Variants in SCFD2 observed in about 807,000 individuals in gnomAD.
The protein encoded by SCFD2 is sec1 family domain containing 2.
SCFD2 carries 54 observed loss-of-function variants against 58.9 expected under a neutral mutation model. The ratio of observed to expected loss-of-function variants is 0.92; its 90% CI spans 0.74 to 1.15. The LOEUF (loss-of-function observed/expected upper bound fraction) is 1.15. Among genes scored for constraint, SCFD2 ranks in the 50% most tolerant of loss-of-function variants. The pLI, the probability that SCFD2 is intolerant of heterozygous loss-of-function variation, is 0.00. For missense variants in SCFD2, 805 were observed against 836.6 expected, an observed-to-expected ratio of 0.96 and a Z score of 0.47; for synonymous variants, 321 against 335.9, an observed-to-expected ratio of 0.96 and a Z score of 0.49.
At position 53,365,466 on chromosome 4, in the gene SCFD2, A is replaced by C; in HGVS notation, c.476T>G (p.Leu159Trp). Reference sequence around the variant, plus strand: ...AAAGTGGGGAGCAACAGGGGCAAGCAATAACGGGACATGGAACACCTCGGC... The same window carrying C: ...AAAGTGGGGAGCAACAGGGGCAAGCCATAACGGGACATGGAACACCTCGGC... ...YTAEVFHVPL[L>W]LAPVAPHFAL... Residue 159 changes from leucine to tryptophan, a missense_variant, in exon 1 of 9, where the codon TTG becomes TGG. Leu to Trp is a moderately conservative substitution (Grantham distance 61). This residue lies in a region of SCFD2 where 633 missense variants were observed against 646.8 expected (regional missense o/e 0.98). Coordinates refer to ENST00000401642, the MANE Select transcript of SCFD2 (RefSeq NM_152540.4). This position sits in a 1 kb window ranked among gnomAD's most constrained non-coding sequence, Gnocchi z 4.3. 6.2e-7 allele frequency: 1 copy of C among 1,614,194 alleles called. No homozygotes were observed. Among genetic ancestry groups the C allele is most frequent in the Non-Finnish European group, 8.5e-7 (1 of 1,180,032 alleles).
chr4:53,072,805 T>TAG (rs758872018), intron 5 of SCFD2, among the ~76,000 whole-genome samples: 29,520 of 152,020 alleles, frequency 0.19, 3,458 homozygotes, highest in Non-Finnish European at 0.27. Flanking sequence ...CTTCTCTTTC[T>TAG]TTCACCTAGT....
intron 4 of SCFD2, among the ~76,000 whole-genome samples, chr4:53,198,920 C>T (rs1728143024): frequency 6.6e-6 from 1 of 152,074 alleles, no homozygotes; most frequent in African/African-American, 2.4e-5. Flanking sequence ...TTCATAATTA[C>T]CGTCCAAAAG....
At chr4:53,162,228 C>A (rs1372899539) in intron 4 of SCFD2, among the ~76,000 whole-genome samples, 2 of 151,910 alleles carry the variant, frequency 1.3e-5, no homozygotes, top group African/African-American at 2.4e-5. Flanking sequence ...TAAATGATGT[C>A]ATTTTGCTGT....
At chr4:53,093,930 T>C (rs1724544493) in intron 5 of SCFD2, among the ~76,000 whole-genome samples, 1 of 152,108 alleles carries the variant, frequency 6.6e-6, no homozygotes. Flanking sequence ...TTTTGGATTT[T>C]GAACTATGTA....
chr4:52,878,013 C>T (rs959127757), intron 8 of SCFD2, among the ~76,000 whole-genome samples: 1 of 152,160 alleles, frequency 6.6e-6, no homozygotes, highest in African/African-American at 2.4e-5. Flanking sequence ...GGGAGAGGAG[C>T]TCCCCACTCT....
At chr4:53,118,898 G>A (rs528686437) in intron 5 of SCFD2, among the ~76,000 whole-genome samples, 1 of 152,206 alleles carries the variant, frequency 6.6e-6, no homozygotes, top group South Asian at 2.1e-4. Context: ...ATCACATGGG[G>A]GAACAAAAGC....
At chr4:53,300,675 C>T (rs1034239424) in intron 3 of SCFD2, among the ~76,000 whole-genome samples, 1 of 152,192 alleles carries the variant, frequency 6.6e-6, no homozygotes, top group African/African-American at 2.4e-5. Context: ...CACACCTACT[C>T]CAAAACTGAC....
chr4:53,078,116 G>A (rs550499158), intron 5 of SCFD2, among the ~76,000 whole-genome samples: 1 of 152,192 alleles, frequency 6.6e-6, no homozygotes, highest in South Asian at 2.1e-4. Flanking sequence ...CAATTTTTTA[G>A]CACCATCATT....
At chr4:53,197,171 T>C (rs1329261691) in intron 4 of SCFD2, among the ~76,000 whole-genome samples, 1 of 152,058 alleles carries the variant, frequency 6.6e-6, no homozygotes, top group East Asian at 1.9e-4. Context: ...AGCAACAACA[T>C]TAATTCAAAA....
chr4:53,194,822 C>T (rs1442896636), intron 4 of SCFD2, among the ~76,000 whole-genome samples: 5 of 152,162 alleles, frequency 3.3e-5, no homozygotes, highest in African/African-American at 9.7e-5. Flanking sequence ...CAACCCAGTA[C>T]ACACGAGCGA....
chr4:52,977,870 G>A (rs923268178), intron 5 of SCFD2, among the ~76,000 whole-genome samples: 2 of 152,126 alleles, frequency 1.3e-5, no homozygotes, highest in Non-Finnish European at 2.9e-5. Context: ...CACAGACTTC[G>A]TCTACGGCAG....
chr4:53,240,523 T>C (rs1274604312), intron 4 of SCFD2, among the ~76,000 whole-genome samples: 1 of 152,228 alleles, frequency 6.6e-6, no homozygotes, highest in Non-Finnish European at 1.5e-5. Context: ...TTTCATTGAT[T>C]CCAACTTCTT....
intron 4 of SCFD2, among the ~76,000 whole-genome samples, chr4:53,249,185 A>G (rs549940999): frequency 1.3e-5 from 2 of 152,314 alleles, no homozygotes; most frequent in African/African-American, 4.8e-5. Context: ...CCGATGAGAT[A>G]AACTGGAAGA....
At chr4:53,229,970 C>G (rs554001194) in intron 4 of SCFD2, among the ~76,000 whole-genome samples, 1 of 152,252 alleles carries the variant, frequency 6.6e-6, no homozygotes, top group African/African-American at 2.4e-5. Context: ...AGGAGATGAA[C>G]AGACACTTCT....
At chr4:52,923,191 A>G (rs919815111) in intron 5 of SCFD2, among the ~76,000 whole-genome samples, 1 of 152,166 alleles carries the variant, frequency 6.6e-6, no homozygotes, top group Non-Finnish European at 1.5e-5. Context: ...ATGAAAAAAA[A>G]TCAGGCTGGA....
intron 2 of SCFD2, among the ~76,000 whole-genome samples, chr4:53,332,904 G>C (rs997502878): frequency 2.0e-5 from 3 of 150,832 alleles, no homozygotes; most frequent in African/African-American, 7.3e-5. Context: ...GCAAAGTCTC[G>C]GGATACAAAA....
chr4:52,899,943 G>A (rs1004564087), intron 7 of SCFD2, among the ~76,000 whole-genome samples: 7 of 151,892 alleles, frequency 4.6e-5, no homozygotes, highest in Admixed American at 1.3e-4. Context: ...TGATCGCATC[G>A]GTTACTTAGG....
intron 2 of SCFD2, among the ~76,000 whole-genome samples, chr4:53,324,175 G>C (rs1733108112): frequency 6.6e-6 from 1 of 152,074 alleles, no homozygotes; most frequent in Admixed American, 6.6e-5. Context: ...CTAGCACTTT[G>C]GGAGGCCAAG....
Position 52,910,916 on chromosome 4 carries a change from T to C in SCFD2, c.1708-3325A>G, listed in dbSNP as rs145540641. Among the ~76,000 whole-genome samples the C allele has an allele frequency of 7.9e-3, 1,197 of 152,262 alleles. 13 individuals carry two copies. Among genetic ancestry groups the C allele is most frequent in the African/African-American group, 0.026 (1,067 of 41,554 alleles). ...ACGTTTGCTTCCCCTTCTGCCATGA[T>C]TGTAAGTTTCCTGAGGCCTCCCAAG... is the stretch of plus-strand genomic sequence containing the variant. On this transcript the variant is annotated intron_variant, in intron 6 of 8. Transcript: ENST00000401642.
Sources: gnomAD v4.1 joint callset for allele counts (sites outside exome capture counted in the v4.1 genomes callset) on GRCh38, gnomAD v4.1.1 for gene constraint, gnomAD v4.1.1 regional missense constraint, Gnocchi (gnomAD v3.1) non-coding constraint, MANE v1.5 for transcripts, NCBI Gene and HGNC (gene_info 2026-07-23, HGNC 2026-07-21) for gene names.